Variants in B4GALNT2 observed in about 807,000 individuals in gnomAD.
The protein encoded by B4GALNT2 is N-acetylneuraminylgalactosylglucosyl-glucoside beta-1,4-N- acetylgalactosaminyltransferase 2.
Under a neutral mutation model 51.1 loss-of-function variants are expected in B4GALNT2, and 42 were observed. The ratio of observed to expected loss-of-function variants is 0.82; its 90% CI spans 0.64 to 1.06. B4GALNT2 has a LOEUF of 1.06. Ranked by LOEUF, B4GALNT2 falls within the 50% of genes least tolerant of loss-of-function variation. The probability of loss-of-function intolerance (pLI) is 0.00; values close to 1 mark genes in which losing one functional copy is unlikely to be tolerated. For missense variants in B4GALNT2, 602 were observed against 633.6 expected (o/e 0.95, Z 0.54); for synonymous variants, 253 against 251.7 (o/e 1.01, Z -0.05).
chr17:49,159,226 C>T lies in B4GALNT2; in HGVS notation c.679+9C>T, dbSNP rs1156244176. On this transcript the variant is annotated intron_variant, in intron 6 of 10. Transcript: ENST00000393354. The stretch of plus-strand genomic sequence containing the variant: ...CCAGAAGGTAGACATAGGTGAGAGC[C>T]TGTCCTTGGAGTGCAAAATGCTTAG... 3 of 1,613,306 alleles carry T rather than the reference C, an allele frequency of 1.9e-6. No individual in the cohort carries two copies. Among genetic ancestry groups the T allele is most frequent in the Non-Finnish European group, 2.5e-6 (3 of 1,179,644 alleles).
the B4GALNT2 span, among the ~76,000 whole-genome samples, chr17:49,124,142 C>T: frequency 7.2e-5 from 11 of 152,260 alleles, no homozygotes; most frequent in East Asian, 2.1e-3. Flanking sequence ...AAAAGCAAAA[C>T]AAAGGATTAG....
intron 3 of B4GALNT2, among the ~76,000 whole-genome samples, chr17:49,145,856 G>C (rs1250713243): frequency 1.3e-5 from 2 of 152,126 alleles, no homozygotes; most frequent in African/African-American, 4.8e-5. Context: ...TTAGCCTGTT[G>C]ACATAAAGGT....
chr17:49,171,437 A>G lies in B4GALNT2; in HGVS notation c.*1709A>G, dbSNP rs1480303837. 2.4e-6 allele frequency: 1 copy of G among 413,172 alleles called. No homozygotes were observed. Among genetic ancestry groups the G allele is most frequent in the Admixed American group, 3.3e-5 (1 of 30,456 alleles). 25.6% of individuals were successfully genotyped at this position (413,172 alleles called of 1,614,324 possible). A position where few individuals can be genotyped will look rare whatever the true frequency, so the allele number is the denominator to read the frequency against. On this transcript the variant is annotated 3_prime_UTR_variant, in exon 11 of 11. Transcript: ENST00000393354. ...TAAATATTTGTTCTTTTAATTTTGC[A>G]ATATGCAAAGACAAGTTTGTAGAGT...
chr17:49,142,225 C>G (rs1425211634), intron 3 of B4GALNT2, 53 bp downstream of exon 3: 2 of 1,606,750 alleles, frequency 1.2e-6, no homozygotes, highest in East Asian at 2.2e-5. Context: ...AAAGCCCTCC[C>G]TATGTCCTGA....
chr17:49,168,589 A>G, intron 9 of B4GALNT2, 92 bp from the exon 10 acceptor site: 1 of 1,190,292 alleles, frequency 8.4e-7, no homozygotes, highest in Non-Finnish European at 1.2e-6. Context: ...AATTCTTGTT[A>G]TAACCGAGGT....
Position 49,173,727 on chromosome 17 carries a change from T to TA in B4GALNT2, c.*4000dup, listed in dbSNP as rs1305504709. ...TAGCGATTTGATCCAAATAAGGAGT[T>TA]AGAGTCCGTGAATTAGTATGTGGAA... is the stretch of plus-strand genomic sequence containing the variant. On this transcript the variant is annotated 3_prime_UTR_variant, in exon 11 of 11. Coordinates refer to ENST00000393354, the MANE Select transcript of B4GALNT2 (RefSeq NM_001159387.2). 1 of 152,170 alleles carries TA rather than the reference T, an allele frequency of 6.6e-6. No homozygotes were observed. The highest frequency in any genetic ancestry group is 1.5e-5 in the Non-Finnish European group (1 of 68,028). 9.4% of individuals were successfully genotyped at this position (152,170 alleles called of 1,614,324 possible).
intron 1 of B4GALNT2, among the ~76,000 whole-genome samples, chr17:49,137,110 C>A (rs2042598088): frequency 6.6e-6 from 1 of 151,810 alleles, no homozygotes; most frequent in African/African-American, 2.4e-5. Flanking sequence ...GGAAAAAATT[C>A]ACACTTAAAC....
chr17:49,151,738 C>T (rs867860566), intron 3 of B4GALNT2, among the ~76,000 whole-genome samples: 21 of 145,288 alleles, frequency 1.4e-4, no homozygotes, highest in African/African-American at 5.0e-4. Flanking sequence ...TAGCGAGACT[C>T]TGTCACAAAA....
chr17:49,163,623 G>T (rs752712220), intron 7 of B4GALNT2, among the ~76,000 whole-genome samples: 3 of 152,026 alleles, frequency 2.0e-5, no homozygotes, highest in Non-Finnish European at 4.4e-5. Context: ...GGGTGTGATG[G>T]TGCATGCCTA....
At chr17:49,165,248 G>GTC (rs753322861) in intron 8 of B4GALNT2, among the ~76,000 whole-genome samples, 8 of 151,412 alleles carry the variant, frequency 5.3e-5, no homozygotes. Flanking sequence ...TAGGGTCTTG[G>GTC]TCTCTCTCTC....
chr17:49,152,242 G>T (rs1023398495), intron 3 of B4GALNT2, among the ~76,000 whole-genome samples: 9 of 152,042 alleles, frequency 5.9e-5, no homozygotes, highest in African/African-American at 2.2e-4. Flanking sequence ...AGCTGGGCTT[G>T]GTGGCATGTA....
At chr17:49,130,814 T>C (rs1407292889), upstream of B4GALNT2, among the ~76,000 whole-genome samples, 1 of 152,164 alleles carries the variant, frequency 6.6e-6, no homozygotes, top group East Asian at 1.9e-4. Flanking sequence ...GGTTGTAGTA[T>C]AGAGATCTAC....
chr17:49,158,925 C>T, intron 5 of B4GALNT2, 112 bp from the exon 6 acceptor site: 1 of 1,266,754 alleles, frequency 7.9e-7, no homozygotes, highest in African/African-American at 1.5e-5. Flanking sequence ...GGTGCTTCTC[C>T]CCTCACCCTT....
rs1298464956 is a variant in B4GALNT2 at position 49,159,069 on chromosome 17, C to T, written c.531C>T (p.Asn177=). ...VTLTASLGTL[N]TLADVPDSVV... ...TGACAGCTTCTCTGGGGACACTGAA[C>T]ACCCTTGCTGATGTCCCAGACAGTG... is the stretch of plus-strand genomic sequence containing the variant. The change falls in exon 6 of 11, where the codon AAC becomes AAT. Residue 177 remains asparagine, a synonymous_variant. Coordinates refer to ENST00000393354, the MANE Select transcript of B4GALNT2 (RefSeq NM_001159387.2). 6.2e-7 allele frequency: 1 copy of T among 1,614,236 alleles called. No homozygotes were observed. The highest frequency in any genetic ancestry group is 8.5e-7 in the Non-Finnish European group (1 of 1,180,028).
rs774799306 is a variant in B4GALNT2, at chr17:49,159,072, C to A, written c.534C>A (p.Thr178=). ...CAGCTTCTCTGGGGACACTGAACACCCTTGCTGATGTCCCAGACAGTGTGG... is the reference window on the plus strand; with the variant it reads ...CAGCTTCTCTGGGGACACTGAACACACTTGCTGATGTCCCAGACAGTGTGG... ...TLTASLGTLN[T]LADVPDSVVQ... is the part of the protein sequence containing the mutation. Residue 178 remains threonine (T), a synonymous_variant, in exon 6 of 11, where the codon ACC becomes ACA. Coordinates refer to ENST00000393354, the MANE Select transcript of B4GALNT2 (RefSeq NM_001159387.2). 6.2e-7 allele frequency: 1 copy of A among 1,614,222 alleles called. No individual in the cohort carries two copies. The highest frequency in any genetic ancestry group is 8.5e-7 in the Non-Finnish European group (1 of 1,180,026).
chr17:49,126,921 C>T, the B4GALNT2 span, among the ~76,000 whole-genome samples: 1 of 152,184 alleles, frequency 6.6e-6, no homozygotes, highest in Non-Finnish European at 1.5e-5. Flanking sequence ...TCAGGCTGGT[C>T]TCGAGCTCCT....
chr17:49,132,861 C>A, intron 1 of B4GALNT2, 55 bp downstream of exon 1: 3 of 1,368,398 alleles, frequency 2.2e-6, no homozygotes, highest in Non-Finnish European at 9.4e-7. Flanking sequence ...GAGCAGGGAG[C>A]GCCGCGGGTC....
intron 3 of B4GALNT2, among the ~76,000 whole-genome samples, chr17:49,147,380 T>C (rs1229328737): frequency 6.8e-6 from 1 of 147,210 alleles, no homozygotes; most frequent in Non-Finnish European, 1.5e-5. Flanking sequence ...CTTTCTTTCT[T>C]TTTTTTTTTT....
intron 4 of B4GALNT2, among the ~76,000 whole-genome samples, chr17:49,153,963 C>G (rs1181656241): frequency 1.3e-5 from 2 of 152,020 alleles, no homozygotes; most frequent in Admixed American, 6.6e-5. Flanking sequence ...TCAATGTCCT[C>G]CATCATCATG....
Sources: gnomAD v4.1 joint callset for allele counts (sites outside exome capture counted in the v4.1 genomes callset) on GRCh38, gnomAD v4.1.1 for gene constraint, MANE v1.5 for transcripts, NCBI Gene and HGNC (gene_info 2026-07-23, HGNC 2026-07-21) for gene names.